Variants in ZNF700 observed in about 807,000 individuals in gnomAD.
The protein encoded by ZNF700 is zinc finger protein 700.
In ZNF700, 38 loss-of-function variants were observed where a neutral mutation model predicts 65.3. The ratio of observed to expected loss-of-function variants is 0.58; its 90% CI spans 0.45 to 0.76. ZNF700 has a LOEUF of 0.76. ZNF700 is among the 30% of genes least tolerant of loss of function. The pLI is 0.00. For synonymous variants in ZNF700, 285 were observed against 290.4 expected (o/e 0.98, Z 0.19); for missense variants, 857 against 888.4 (o/e 0.96, Z 0.45).
chr19:11,945,615 A>G lies in ZNF700; in HGVS notation c.64-1566A>G, dbSNP rs146788665. Among the ~76,000 whole-genome samples the G allele has an allele frequency of 5.9e-4, 90 of 152,198 alleles. 1 individual carries two copies. The East Asian group carries it at 0.017, about 29-fold the overall frequency. ...AGGTACGGGGGTTTGGTTGACTGCC[A>G]GCCCTGGAGGGTTGTCTTCTGCCCA... On this transcript the variant is annotated intron_variant, in intron 1 of 3. Coordinates refer to ENST00000254321, the MANE Select transcript of ZNF700 (RefSeq NM_144566.3).
In ZNF700 at chr19:11,931,957, AAC is replaced by A. The variant is rs1186666657; in HGVS notation, c.63+6688_63+6689del. The stretch of plus-strand genomic sequence containing the variant: ...ATGGAGAAACCCCATCTCTACTAAA[AAC>A]ACAAAATTAGCCAGGCGTGGTGGCA... On this transcript the variant is annotated intron_variant, in intron 1 of 3. Coordinates refer to ENST00000254321, the MANE Select transcript of ZNF700 (RefSeq NM_144566.3). Among the ~76,000 whole-genome samples the A allele has an allele frequency of 2.7e-5, 4 of 147,780 alleles. No homozygotes were observed. In the East Asian group the frequency reaches 7.8e-4, roughly 29 times the overall value.
chr19:11,931,665 G>A (rs1599279586), intron 1 of ZNF700, among the ~76,000 whole-genome samples: 1 of 148,354 alleles, frequency 6.7e-6, no homozygotes, highest in South Asian at 2.1e-4. Context: ...GCATATTTCA[G>A]AGAGGTTACA....
intron 1 of ZNF700, 92 bp from the exon 2 acceptor site, chr19:11,947,089 C>G (rs1972971210): frequency 9.2e-6 from 14 of 1,527,240 alleles, no homozygotes; most frequent in Non-Finnish European, 1.2e-5. Context: ...GTTTGGAGTC[C>G]ACAGCATCCT....
At position 11,949,242 on chromosome 19, in the gene ZNF700, A is replaced by C; in HGVS notation, c.1218A>C (p.Arg406=). ...GKAFNLSSSF[R]YHERIHTGEK... ...CCTTCAATCTTTCCAGTTCCTTTCG[A>C]TATCATGAAAGGATTCACACTGGAG... The change falls in exon 4 of 4, where the codon CGA becomes CGC. Residue 406 remains arginine, a synonymous_variant. Coordinates refer to ENST00000254321, the MANE Select transcript of ZNF700 (RefSeq NM_144566.3). The C allele has an allele frequency of 1.2e-6, 2 of 1,613,958 alleles. No individual in the cohort carries two copies. The highest frequency in any genetic ancestry group is 1.7e-6 in the Non-Finnish European group (2 of 1,179,938).
intron 1 of ZNF700, among the ~76,000 whole-genome samples, chr19:11,930,240 T>C (rs1972694321): frequency 6.7e-6 from 1 of 148,600 alleles, no homozygotes; most frequent in Non-Finnish European, 1.5e-5. Context: ...GATGTTGCTA[T>C]TGAGGAAAAA....
chr19:11,930,632 C>G (rs1429915127), intron 1 of ZNF700, among the ~76,000 whole-genome samples: 1 of 148,472 alleles, frequency 6.7e-6, no homozygotes, highest in Non-Finnish European at 1.5e-5. Context: ...TTTGTCCCTG[C>G]TTTTTCTGTT....
At chr19:11,942,728 A>G (rs941559431) in intron 1 of ZNF700, among the ~76,000 whole-genome samples, 3 of 152,154 alleles carry the variant, frequency 2.0e-5, no homozygotes, top group African/African-American at 7.2e-5. Flanking sequence ...TTTCTCATAC[A>G]ATGTCTGGAA....
rs751814463 is a variant in ZNF700, at chr19:11,948,995, A to G, written c.971A>G (p.His324Arg). Residue 324 changes from histidine (H) to arginine (R), a missense_variant, in exon 4 of 4, where the codon CAT becomes CGT. Transcript: ENST00000254321. The part of the protein sequence containing the change: ...AFAYTSSLRR[H>R]ERTHSGKKPY... ...GCATATACCAGTTCTCTTCGTAGAC[A>G]TGAAAGGACCCACTCTGGGAAAAAA... The G allele has an allele frequency of 1.2e-5, 20 of 1,607,684 alleles. No homozygotes were observed. Among genetic ancestry groups the G allele is most frequent in the Non-Finnish European group, 1.7e-5 (20 of 1,178,768 alleles).
At chr19:11,929,190 G>T (rs1455536619) in intron 1 of ZNF700, among the ~76,000 whole-genome samples, 1 of 148,150 alleles carries the variant, frequency 6.7e-6, no homozygotes. Context: ...TTTTGAGATA[G>T]GGTCTCACTC....
chr19:11,934,112 G>A (rs557036654), intron 1 of ZNF700, among the ~76,000 whole-genome samples: 1 of 148,154 alleles, frequency 6.7e-6, no homozygotes, highest in East Asian at 1.9e-4. Context: ...GGGAGACAGA[G>A]GTGAGACGAT....
intron 1 of ZNF700, among the ~76,000 whole-genome samples, chr19:11,937,724 A>T (rs768370357): frequency 7.9e-5 from 12 of 151,884 alleles, no homozygotes; most frequent in Non-Finnish European, 1.8e-4. Flanking sequence ...TCCTGACCTC[A>T]TGATCTGCCT....
chr19:11,948,307 A>G lies in ZNF700; in HGVS notation c.283A>G (p.Lys95Glu), dbSNP rs757377962. The G allele has an allele frequency of 1.2e-5, 19 of 1,613,392 alleles. No homozygotes were observed. In the East Asian group the frequency reaches 3.3e-4, roughly 28 times the overall value. ...CATAGAAGAGAAAGTCAATGAAATT[A>G]AAGAAGACAGTCATTGTGGAGAAAC... ...SLIEEKVNEIKEDSHCGETFT... is the reference protein window; with the variant it reads ...SLIEEKVNEIEEDSHCGETFT... Residue 95 changes from lysine to glutamate, a missense_variant, in exon 4 of 4, where the codon AAA (lysine) becomes GAA (glutamate). Transcript: ENST00000254321.
At position 11,948,432 on chromosome 19, in the gene ZNF700, A is replaced by G. The variant is rs749016232; in HGVS notation, c.408A>G (p.Ile136Met). Residue 136 changes from isoleucine to methionine, a missense_variant, in exon 4 of 4, where the codon ATA (isoleucine) becomes ATG (methionine). Physicochemically the swap from Ile to Met is conservative, Grantham distance 10 (BLOSUM62 1). This residue lies in a region of ZNF700 where 603 missense variants were observed against 619.9 expected (regional missense o/e 0.97). Coordinates refer to ENST00000254321, the MANE Select transcript of ZNF700 (RefSeq NM_144566.3). ...CDSFVCAEVGIGNSSFNMSIR... is the reference protein window; with the variant it reads ...CDSFVCAEVGMGNSSFNMSIR... ...GCTTTGTGTGTGCAGAAGTTGGCATAGGTAACTCATCTTTTAATATGAGCA... is the reference window on the plus strand; with the variant it reads ...GCTTTGTGTGTGCAGAAGTTGGCATGGGTAACTCATCTTTTAATATGAGCA... The G allele has an allele frequency of 6.2e-7, 1 of 1,614,210 alleles. No homozygotes were observed. The highest frequency in any genetic ancestry group is 8.5e-7 in the Non-Finnish European group (1 of 1,180,024).
chr19:11,928,648 C>T (rs1281833258), intron 1 of ZNF700, among the ~76,000 whole-genome samples: 5 of 143,520 alleles, frequency 3.5e-5, no homozygotes, highest in Non-Finnish European at 7.5e-5. Context: ...AGGAGAATGG[C>T]GTGAACCCGG....
At chr19:11,933,344 C>T (rs571112315) in intron 1 of ZNF700, among the ~76,000 whole-genome samples, 12 of 148,212 alleles carry the variant, frequency 8.1e-5, no homozygotes, top group Non-Finnish European at 1.5e-4. Flanking sequence ...CATGTGAACA[C>T]GATGAAAATT....
At chr19:11,937,885 C>T (rs1365827855) in intron 1 of ZNF700, among the ~76,000 whole-genome samples, 2 of 152,020 alleles carry the variant, frequency 1.3e-5, no homozygotes, top group Admixed American at 1.3e-4. Context: ...AGATATTAAC[C>T]CATTTATGCT....
At chr19:11,926,044 G>A (rs1051827563) in intron 1 of ZNF700, among the ~76,000 whole-genome samples, 1 of 152,204 alleles carries the variant, frequency 6.6e-6, no homozygotes, top group South Asian at 2.1e-4. Context: ...GCAGCTGGTT[G>A]AGAGTGTGAA....
At chr19:11,941,962 G>A (rs868381916) in intron 1 of ZNF700, among the ~76,000 whole-genome samples, 2 of 100,120 alleles carry the variant, frequency 2.0e-5, no homozygotes, top group Non-Finnish European at 4.0e-5. Flanking sequence ...TTGTATAGTG[G>A]TTGAATCTGT....
At chr19:11,937,470 G>C (rs114748664) in intron 1 of ZNF700, among the ~76,000 whole-genome samples, 1 of 150,268 alleles carries the variant, frequency 6.7e-6, no homozygotes, top group Admixed American at 6.6e-5. Context: ...CTTTATAGTA[G>C]ATTTTTCTTT....
Sources: gnomAD v4.1 joint callset for allele counts (sites outside exome capture counted in the v4.1 genomes callset) on GRCh38, gnomAD v4.1.1 for gene constraint, gnomAD v4.1.1 regional missense constraint, MANE v1.5 for transcripts, NCBI Gene and HGNC (gene_info 2026-07-23, HGNC 2026-07-21) for gene names.